The following DLG2 variants were observed in gnomAD, a reference collection of about 807,000 sequenced individuals.
The protein encoded by DLG2 is discs large MAGUK scaffold protein 2, also known as disks large homolog 2.
In DLG2, 45 loss-of-function variants were observed where a neutral mutation model predicts 132.5. The ratio of observed to expected loss-of-function variants is 0.34; its 90% CI spans 0.27 to 0.44. DLG2 has a LOEUF of 0.44. Ranked by LOEUF, DLG2 falls within the 20% of genes least tolerant of loss-of-function variation. The probability of loss-of-function intolerance (pLI) is 1.00; values close to 1 mark genes in which losing one functional copy is unlikely to be tolerated. For missense variants in DLG2, 1,045 were observed against 1,196.9 expected, an observed-to-expected ratio of 0.87 and a Z score of 1.87; for synonymous variants, 424 against 419.6, an observed-to-expected ratio of 1.01 and a Z score of -0.13.
At chr11:85,047,195 A>G (rs1386995534) in intron 6 of DLG2, among the ~76,000 whole-genome samples, 1 of 151,914 alleles carries the variant, frequency 6.6e-6, no homozygotes, top group Non-Finnish European at 1.5e-5. Context: ...CTAAGACTAT[A>G]TTTACCAAGT....
intron 4 of DLG2, among the ~76,000 whole-genome samples, chr11:85,250,839 T>A (rs1238387269): frequency 6.6e-6 from 1 of 152,216 alleles, no homozygotes. Flanking sequence ...CAAATGGTCA[T>A]ATTTTTTGTA....
chr11:85,400,683 CA>C (rs1240782354), intron 3 of DLG2, among the ~76,000 whole-genome samples: 2 of 142,084 alleles, frequency 1.4e-5, no homozygotes, highest in Non-Finnish European at 3.0e-5. Flanking sequence ...ATCGCAAGGA[CA>C]AAAAACCAAA....
chr11:84,549,004 C>T lies in DLG2; in HGVS notation c.358-14273G>A, dbSNP rs1232347426. Among the ~76,000 whole-genome samples, 6 of 152,198 alleles carry T rather than the reference C, an allele frequency of 3.9e-5. No individual in the cohort carries two copies. In the East Asian group the frequency reaches 9.7e-4, roughly 25 times the overall value. ...TATGTAAAACATGATCAAGTATTTG[C>T]TTTGTTGTACTGGAGAAGGTTCAGT... On this transcript the variant is annotated intron_variant, in intron 6 of 27. Coordinates refer to ENST00000376104, the MANE Select transcript of DLG2 (RefSeq NM_001142699.3).
chr11:84,979,062 C>A (rs1394055753), intron 6 of DLG2, among the ~76,000 whole-genome samples: 12 of 152,126 alleles, frequency 7.9e-5, no homozygotes. Flanking sequence ...TGAAAAAATG[C>A]TCATCATCAC....
rs572990127 is a variant in DLG2, at chr11:83,485,260, C to CT, written c.2194-1033dup. ...TATTCATTCAAGTGGATATCATGTG[C>CT]TTACCTAGAAGACTCCCTAAGGAAA... On this transcript the variant is annotated intron_variant, in intron 21 of 27. Transcript: ENST00000376104. Among the ~76,000 whole-genome samples the CT allele has an allele frequency of 3.5e-3, 529 of 152,244 alleles. 2 individuals carry two copies. Among genetic ancestry groups the CT allele is most frequent in the South Asian group, 0.018 (87 of 4,828 alleles).
intron 6 of DLG2, among the ~76,000 whole-genome samples, chr11:84,902,110 G>A (rs1056698384): frequency 6.6e-6 from 1 of 152,038 alleles, no homozygotes; most frequent in Non-Finnish European, 1.5e-5. Flanking sequence ...GGGCTTTCTT[G>A]GAAGGCAATT....
At chr11:84,091,381 A>C (rs59861332) in intron 10 of DLG2, among the ~76,000 whole-genome samples, 1 of 152,092 alleles carries the variant, frequency 6.6e-6, no homozygotes, top group Admixed American at 6.6e-5. Flanking sequence ...CTCAGTCTCC[A>C]TCTCTGCTGT....
chr11:83,525,760 G>A (rs894878916), intron 21 of DLG2, among the ~76,000 whole-genome samples: 8 of 152,092 alleles, frequency 5.3e-5, no homozygotes, highest in Admixed American at 1.3e-4. Flanking sequence ...TTCCAAGACC[G>A]GCTCCATTAA....
At chr11:83,530,310 G>A (rs1204268585) in intron 21 of DLG2, among the ~76,000 whole-genome samples, 1 of 152,022 alleles carries the variant, frequency 6.6e-6, no homozygotes, top group Non-Finnish European at 1.5e-5. Flanking sequence ...TATTTTAGGG[G>A]AGGGTAAATT....
In DLG2 at chr11:84,000,903, A is replaced by C. The variant is rs2094312226; in HGVS notation, c.920-20261T>G. On this transcript the variant is annotated intron_variant, in intron 11 of 27. Transcript: ENST00000376104. ...AAAAGGACACATCTGCCATTATGAAAACACACAAATGTATAAAACTCACTG... is the reference window on the plus strand; with the variant it reads ...AAAAGGACACATCTGCCATTATGAACACACACAAATGTATAAAACTCACTG... Among the ~76,000 whole-genome samples the C allele has an allele frequency of 5.3e-5, 8 of 152,288 alleles. No homozygotes were observed. The South Asian group carries it at 1.7e-3, about 32-fold the overall frequency.
intron 7 of DLG2, among the ~76,000 whole-genome samples, chr11:84,463,342 C>T (rs1419385761): frequency 6.6e-6 from 1 of 151,062 alleles, no homozygotes; most frequent in African/African-American, 2.4e-5. Flanking sequence ...GCCCATCCTC[C>T]TCAGGAATAT....
intron 16 of DLG2, among the ~76,000 whole-genome samples, chr11:83,844,104 G>T (rs565741567): frequency 6.6e-4 from 100 of 152,226 alleles, no homozygotes; most frequent in African/African-American, 2.4e-3. Context: ...TGAGCCCAGT[G>T]GTGGGATTAG....
At chr11:83,856,671 A>G (rs2060580336) in intron 16 of DLG2, among the ~76,000 whole-genome samples, 1 of 151,958 alleles carries the variant, frequency 6.6e-6, no homozygotes, top group African/African-American at 2.4e-5. Context: ...CCACTTTTTA[A>G]TGGGGTTGTT....
At chr11:85,067,196 T>A (rs1230383644) in intron 6 of DLG2, among the ~76,000 whole-genome samples, 1 of 151,916 alleles carries the variant, frequency 6.6e-6, no homozygotes, top group Non-Finnish European at 1.5e-5. Flanking sequence ...TGATATTCCC[T>A]TTATCATTTT....
At chr11:83,768,013 T>C (rs1366763459) in intron 18 of DLG2, among the ~76,000 whole-genome samples, 1 of 152,226 alleles carries the variant, frequency 6.6e-6, no homozygotes, top group Non-Finnish European at 1.5e-5. Flanking sequence ...GTTTGATTTT[T>C]TCTGAATATT....
chr11:84,849,933 T>A (rs530653619), intron 6 of DLG2, among the ~76,000 whole-genome samples: 1 of 152,248 alleles, frequency 6.6e-6, no homozygotes, highest in South Asian at 2.1e-4. Flanking sequence ...AGTGAAGAAA[T>A]GGGTATTATT....
At chr11:84,456,783 G>C (rs893377988) in intron 7 of DLG2, among the ~76,000 whole-genome samples, 1 of 151,160 alleles carries the variant, frequency 6.6e-6, no homozygotes, top group Non-Finnish European at 1.5e-5. Context: ...TCACTAGAAT[G>C]CAAGTTCTGT....
intron 10 of DLG2, among the ~76,000 whole-genome samples, chr11:84,074,629 C>T (rs568297316): frequency 7.9e-5 from 12 of 151,006 alleles, no homozygotes; most frequent in South Asian, 2.1e-4. Flanking sequence ...CCCGGGTTCA[C>T]GCCATTCTCC....
intron 3 of DLG2, among the ~76,000 whole-genome samples, chr11:85,541,575 C>A (rs2075978163): frequency 6.6e-6 from 1 of 151,664 alleles, no homozygotes; most frequent in South Asian, 2.1e-4. Flanking sequence ...CATCTCCAAA[C>A]CCTTTGAGAT....
Sources: gnomAD v4.1 joint callset for allele counts (sites outside exome capture counted in the v4.1 genomes callset) on GRCh38, gnomAD v4.1.1 for gene constraint, MANE v1.5 for transcripts, NCBI Gene and HGNC (gene_info 2026-07-23, HGNC 2026-07-21) for gene names.